CDK14: variants seen among roughly 807,000 people sequenced by gnomAD.
CDK14 encodes the protein cyclin dependent kinase 14.
In CDK14, 34 loss-of-function variants were observed where a neutral mutation model predicts 60.7. The observed-to-expected ratio is 0.56, with a 90% CI of 0.43 to 0.75. The LOEUF (loss-of-function observed/expected upper bound fraction) is 0.75, where lower values mean the gene tolerates loss of function less well. Among genes scored for constraint, CDK14 ranks in the 30% least tolerant of loss-of-function variants. CDK14 has a pLI of 0.00. For missense variants in CDK14, 482 were observed against 564.1 expected (o/e 0.85, Z 1.47); for synonymous variants, 197 against 203.7 (o/e 0.97, Z 0.28).
At chr7:91,057,286 T>C (rs554298500) in intron 11 of CDK14, among the ~76,000 whole-genome samples, 13 of 152,262 alleles carry the variant, frequency 8.5e-5, no homozygotes, top group Admixed American at 1.3e-4. Flanking sequence ...TTTGAGTTCA[T>C]TGTAGATTCT....
At chr7:91,123,930 GT>G (rs1057346548) in intron 14 of CDK14, among the ~76,000 whole-genome samples, 1 of 151,606 alleles carries the variant, frequency 6.6e-6, no homozygotes, top group Admixed American at 6.6e-5. Context: ...TTTGTTATTT[GT>G]TTTTTTTAAG....
At chr7:90,653,131 A>G (rs549918118) in intron 2 of CDK14, among the ~76,000 whole-genome samples, 40 of 152,088 alleles carry the variant, frequency 2.6e-4, no homozygotes, top group Non-Finnish European at 5.3e-4. Context: ...TTTTGGCTGT[A>G]CCAGCTCCTG....
chr7:91,130,243 G>T (rs1800076049), intron 14 of CDK14, among the ~76,000 whole-genome samples: 1 of 152,070 alleles, frequency 6.6e-6, no homozygotes, highest in Non-Finnish European at 1.5e-5. Context: ...TCATTGAAAA[G>T]ATTTGCACAA....
intron 4 of CDK14, among the ~76,000 whole-genome samples, chr7:90,786,011 T>C (rs768477014): frequency 2.0e-4 from 30 of 152,288 alleles, no homozygotes; most frequent in Non-Finnish European, 4.0e-4. Flanking sequence ...ATGGAGATAT[T>C]CTCCCCACTC....
At chr7:91,081,523 C>A (rs1798483446) in intron 12 of CDK14, among the ~76,000 whole-genome samples, 1 of 152,126 alleles carries the variant, frequency 6.6e-6, no homozygotes, top group Non-Finnish European at 1.5e-5. Flanking sequence ...AAAAGTAGGT[C>A]ACTGTTCAAA....
chr7:90,879,919 C>A (rs558490435), intron 6 of CDK14, among the ~76,000 whole-genome samples: 1 of 152,134 alleles, frequency 6.6e-6, no homozygotes, highest in South Asian at 2.1e-4. Flanking sequence ...TGGTGTGATA[C>A]CCAGCTGGGG....
intron 5 of CDK14, among the ~76,000 whole-genome samples, chr7:90,837,214 T>C (rs1790132715): frequency 6.6e-6 from 1 of 152,166 alleles, no homozygotes; most frequent in African/African-American, 2.4e-5. Context: ...GAAAGAATCT[T>C]TGCTATGGAG....
intron 2 of CDK14, among the ~76,000 whole-genome samples, chr7:90,638,995 C>G (rs1212299331): frequency 6.6e-6 from 1 of 152,140 alleles, no homozygotes; most frequent in Non-Finnish European, 1.5e-5. Flanking sequence ...CTCCTTTAAG[C>G]ACTTCTCTGT....
In CDK14 at chr7:90,968,447, A is replaced by G. The variant is rs566929521; in HGVS notation, c.947+12630A>G. ...AATGACAGAATCCGAGTAGCTTCCT[A>G]TTTTCCTACACCCATGTGGGTTGCT... On this transcript the variant is annotated intron_variant, in intron 9 of 14. Coordinates refer to ENST00000380050, the MANE Select transcript of CDK14 (RefSeq NM_001287135.2). 5.9e-5 allele frequency among the ~76,000 whole-genome samples: 9 copies of G among 152,212 alleles called. No individual in the cohort carries two copies. The South Asian group carries it at 1.7e-3, about 28-fold the overall frequency.
intron 2 of CDK14, among the ~76,000 whole-genome samples, chr7:90,604,536 C>T (rs971020018): frequency 4.6e-5 from 7 of 152,172 alleles, no homozygotes; most frequent in African/African-American, 4.8e-5. Flanking sequence ...GCTTGAGACA[C>T]GCAGAGTGAT....
intron 10 of CDK14, among the ~76,000 whole-genome samples, chr7:90,994,140 T>A (rs1795612992): frequency 6.6e-6 from 1 of 152,128 alleles, no homozygotes; most frequent in East Asian, 1.9e-4. Context: ...GGTTTCAGGG[T>A]CAGGAATTCA....
intron 8 of CDK14, among the ~76,000 whole-genome samples, chr7:90,921,001 C>G (rs1456154733): frequency 6.6e-6 from 1 of 151,980 alleles, no homozygotes; most frequent in Non-Finnish European, 1.5e-5. Context: ...TTTCTATATG[C>G]ATTTTGAATA....
chr7:90,709,694 G>A, intron 2 of CDK14: 2 of 1,528,300 alleles, frequency 1.3e-6, no homozygotes, highest in East Asian at 2.4e-5. Context: ...CTGAATGTTA[G>A]CATGTCCTTT....
At position 90,621,663 on chromosome 7, in the gene CDK14, T is replaced by TCCTTCCTG. The variant is rs1285193236; in HGVS notation, c.123+17438_123+17445dup. The stretch of plus-strand genomic sequence containing the variant: ...TTCCTTCCTTCCTTCCTTCCTTCCT[T>TCCTTCCTG]CCTTCCTGCCTTCCTGCCTTCCTGC... On this transcript the variant is annotated intron_variant, in intron 2 of 14. Transcript: ENST00000380050. Among the ~76,000 whole-genome samples the TCCTTCCTG allele has an allele frequency of 8.5e-3, 957 of 112,548 alleles. 6 individuals are homozygous for TCCTTCCTG. The highest frequency in any genetic ancestry group is 0.011 in the African/African-American group (307 of 27,406). The allele number at this position is 112,548 out of a possible 152,430, so 73.8% of individuals were successfully genotyped here. A position where few individuals can be genotyped will look rare whatever the true frequency, so the allele number is the denominator to read the frequency against.
chr7:90,776,861 A>G (rs57602957), intron 4 of CDK14, among the ~76,000 whole-genome samples: 3,332 of 152,240 alleles, frequency 0.022, 53 homozygotes, highest in African/African-American at 0.03. Flanking sequence ...GAGATGTCCA[A>G]ACCTTTACAG....
chr7:90,866,648 C>T (rs1277325899), intron 6 of CDK14, among the ~76,000 whole-genome samples: 2 of 152,092 alleles, frequency 1.3e-5, no homozygotes, highest in Non-Finnish European at 2.9e-5. Context: ...ATAATATGTA[C>T]ATACTACAAA....
rs1449230578 is a variant in CDK14 at position 90,619,063 on chromosome 7, C to T, written c.123+14814C>T. Reference sequence around the variant, plus strand: ...GTTTGTTTGGGAAGCATTTAACATACATTTGAGAGCCTCTAACTTGTTTCC... The same window carrying T: ...GTTTGTTTGGGAAGCATTTAACATATATTTGAGAGCCTCTAACTTGTTTCC... On this transcript the variant is annotated intron_variant, in intron 2 of 14. Coordinates refer to ENST00000380050, the MANE Select transcript of CDK14 (RefSeq NM_001287135.2). 2.6e-5 allele frequency among the ~76,000 whole-genome samples: 4 copies of T among 152,304 alleles called. No homozygotes were observed. In the East Asian group the frequency reaches 7.7e-4, roughly 29 times the overall value.
intron 14 of CDK14, among the ~76,000 whole-genome samples, chr7:91,137,405 C>T (rs115898096): frequency 6.6e-5 from 10 of 152,172 alleles, no homozygotes; most frequent in African/African-American, 2.4e-4. Context: ...TGGTGTCTGA[C>T]AGATTGAAAC....
intron 2 of CDK14, among the ~76,000 whole-genome samples, chr7:90,707,974 G>T (rs1801936306): frequency 6.6e-6 from 1 of 152,162 alleles, no homozygotes; most frequent in African/African-American, 2.4e-5. Context: ...ATGAATAGAT[G>T]AAAGATTAAA....
Sources: allele counts gnomAD v4.1 joint callset (sites outside exome capture counted in the v4.1 genomes callset), GRCh38; gene constraint gnomAD v4.1.1; transcripts MANE v1.5; gene names NCBI Gene and HGNC (gene_info 2026-07-23, HGNC 2026-07-21).